Variants in ABCB10 observed in about 807,000 individuals in gnomAD.
The protein encoded by ABCB10 is ATP-binding cassette sub-family B member 10, mitochondrial.
In ABCB10, 54 loss-of-function variants were observed where a neutral mutation model predicts 65.4. The ratio of observed to expected loss-of-function variants is 0.83; its 90% CI spans 0.66 to 1.04. The LOEUF is 1.04. Among genes scored for constraint, ABCB10 ranks in the 50% least tolerant of loss-of-function variants. The pLI, the probability that ABCB10 is intolerant of heterozygous loss-of-function variation, is 0.00. For synonymous variants in ABCB10, 418 were observed against 406.5 expected (o/e 1.03, Z -0.34); for missense variants, 846 against 976.6 (o/e 0.87, Z 1.78).
At chr1:229,552,012 C>CA (rs770268120) in intron 1 of ABCB10, among the ~76,000 whole-genome samples, 5 of 150,170 alleles carry the variant, frequency 3.3e-5, no homozygotes, top group African/African-American at 1.3e-4. Context: ...TGAAATGCCC[C>CA]CTAATTATGA....
rs755890761 is a variant in ABCB10, at chr1:229,530,160, G to T, written c.1645+39C>A. On this transcript the variant is annotated intron_variant, in intron 8 of 12. Transcript: ENST00000344517. Reference sequence around the variant, plus strand: ...GGCGCAAAAGTGGGAGCAGAGCTCGGGAGAGTCCCTCGGTGCTACAGTGTG... The same window carrying T: ...GGCGCAAAAGTGGGAGCAGAGCTCGTGAGAGTCCCTCGGTGCTACAGTGTG... 1.9e-6 allele frequency: 3 copies of T among 1,604,382 alleles called. No individual in the cohort carries two copies. The Admixed American group carries it at 5.0e-5, about 27-fold the overall frequency.
chr1:229,526,020 C>G lies in ABCB10; in HGVS notation c.1822G>C (p.Glu608Gln). 1.9e-6 allele frequency: 3 copies of G among 1,614,252 alleles called. No homozygotes were observed. Among genetic ancestry groups the G allele is most frequent in the Non-Finnish European group, 1.7e-6 (2 of 1,180,052 alleles). The part of the protein sequence containing the change: ...VTAEEIQRVA[E>Q]VANAVAFIRN... The stretch of plus-strand genomic sequence containing the variant: ...ATGAAGGCCACTGCATTGGCCACTT[C>G]AGCCACTCTCTGGATTTCCTCAGCG... Residue 608 changes from glutamate to glutamine, a missense_variant, in exon 10 of 13, where the codon GAA (glutamate) becomes CAA (glutamine). By Grantham distance (29) the Glu-to-Gln change is conservative (BLOSUM62 2). This residue lies in a region of ABCB10 where 632 missense variants were observed against 803.2 expected (regional missense o/e 0.79). Transcript: ENST00000344517.
intron 6 of ABCB10, among the ~76,000 whole-genome samples, chr1:229,535,603 G>A (rs1347559879): frequency 6.6e-6 from 1 of 152,178 alleles, no homozygotes; most frequent in Non-Finnish European, 1.5e-5. Context: ...AAACTACTCT[G>A]TATGATACAG....
chr1:229,531,526 C>A (rs1271526739), intron 7 of ABCB10, 110 bp downstream of exon 7: 1 of 1,107,732 alleles, frequency 9.0e-7, no homozygotes, highest in Non-Finnish European at 1.3e-6. Flanking sequence ...GCAGGAGCCA[C>A]ATCCTTACTG....
Position 229,546,188 on chromosome 1 carries a change from AG to A in ABCB10, c.921+1310del, listed in dbSNP as rs1292673974. Among the ~76,000 whole-genome samples, 9 of 151,788 alleles carry A rather than the reference AG, an allele frequency of 5.9e-5. No homozygotes were observed. The East Asian group carries it at 1.5e-3, about 26-fold the overall frequency. On this transcript the variant is annotated intron_variant, in intron 3 of 12. Coordinates refer to ENST00000344517, the MANE Select transcript of ABCB10 (RefSeq NM_012089.3). Reference sequence around the variant, plus strand: ...CTCCGTCTCAAAAAAAAAAAAAAAAAGCTTTTATGATGATCCACTTCCACTT... The same window carrying A: ...CTCCGTCTCAAAAAAAAAAAAAAAAACTTTTATGATGATCCACTTCCACTT...
chr1:229,527,385 G>T, intron 8 of ABCB10, 77 bp from the exon 9 acceptor site: 1 of 1,267,876 alleles, frequency 7.9e-7, no homozygotes, highest in Non-Finnish European at 1.1e-6. Context: ...GATCCGGTGG[G>T]AAAATTCCAG....
Position 229,556,165 on chromosome 1 carries a change from C to A in ABCB10, c.517+1971G>T, listed in dbSNP as rs559758734. On this transcript the variant is annotated intron_variant, in intron 1 of 12. Coordinates refer to ENST00000344517, the MANE Select transcript of ABCB10 (RefSeq NM_012089.3). ...CCAAGGTGGGCAGATCACCCGAGGT[C>A]GGGAGTTCGAGACCACCCTGACCAA... Among the ~76,000 whole-genome samples the A allele has an allele frequency of 2.0e-4, 30 of 152,192 alleles. 1 individual carries two copies. The highest frequency in any genetic ancestry group is 7.2e-4 in the African/African-American group (30 of 41,546).
chr1:229,552,799 T>C (rs1449810078), intron 1 of ABCB10, among the ~76,000 whole-genome samples: 2 of 152,194 alleles, frequency 1.3e-5, no homozygotes, highest in Non-Finnish European at 2.9e-5. Context: ...ATCCTCGTTT[T>C]TCAGAGAGGA....
intron 1 of ABCB10, among the ~76,000 whole-genome samples, chr1:229,555,286 C>T (rs990060279): frequency 2.0e-5 from 3 of 152,316 alleles, no homozygotes; most frequent in South Asian, 2.1e-4. Context: ...GATGAAGTGT[C>T]GCTTATCCCA....
intron 11 of ABCB10, 192 bp from the exon 12 acceptor site, chr1:229,519,067 C>T: frequency 2.2e-6 from 1 of 457,540 alleles, no homozygotes; most frequent in Non-Finnish European, 3.9e-6. Flanking sequence ...ATGTCCACAA[C>T]AGGCACTTCT....
Position 229,558,386 on chromosome 1 carries a change from G to A in ABCB10, c.267C>T (p.Leu89=). The change falls in exon 1 of 13, where the codon CTC becomes CTT. Residue 89 remains leucine, a synonymous_variant. Coordinates refer to ENST00000344517, the MANE Select transcript of ABCB10 (RefSeq NM_012089.3). ...ASRGVLGLAR[L]LGLWARGPGS... ...CGGGGCCGCGAGCCCACAGCCCCAG[G>A]AGCCGCGCGAGGCCCAGGACGCCCC... is the stretch of plus-strand genomic sequence containing the variant. The A allele has an allele frequency of 8.1e-7, 1 of 1,241,858 alleles. No individual in the cohort carries two copies. The highest frequency in any genetic ancestry group is 1.0e-6 in the Non-Finnish European group (1 of 984,956). The allele number at this position is 1,241,858 out of a possible 1,614,324, so 76.9% of individuals were successfully genotyped here.
chr1:229,517,964 C>G lies in ABCB10; in HGVS notation c.*215G>C. 1 of 540,012 alleles carries G rather than the reference C, an allele frequency of 1.9e-6. No individual in the cohort carries two copies. Among genetic ancestry groups the G allele is most frequent in the South Asian group, 2.4e-5 (1 of 42,376 alleles). 33.5% of individuals were successfully genotyped at this position (540,012 alleles called of 1,614,324 possible). On this transcript the variant is annotated 3_prime_UTR_variant, in exon 13 of 13. Transcript: ENST00000344517. ...ACAAAACCTGAAAATAACTTCAGTG[C>G]TATAGACATTTAAAAAGTTACAATT...
At chr1:229,526,729 T>C (rs1662453933) in intron 9 of ABCB10, among the ~76,000 whole-genome samples, 1 of 152,256 alleles carries the variant, frequency 6.6e-6, no homozygotes, top group Non-Finnish European at 1.5e-5. Flanking sequence ...AACATTTCCC[T>C]GCCCCAAAGG....
intron 10 of ABCB10, 106 bp downstream of exon 10, chr1:229,525,830 T>C: frequency 8.0e-6 from 11 of 1,383,054 alleles, no homozygotes; most frequent in Non-Finnish European, 1.1e-5. Flanking sequence ...AGAGCAAGAC[T>C]CAAGACTCCG....
Position 229,558,416 on chromosome 1 carries a change from G to C in ABCB10, c.237C>G (p.Ala79=). The change falls in exon 1 of 13, where the codon GCC becomes GCG. Residue 79 remains alanine, a synonymous_variant. Coordinates refer to ENST00000344517, the MANE Select transcript of ABCB10 (RefSeq NM_012089.3). ...GCGCGAGGCCCAGGACGCCCCGCGA[G>C]GCGCCCGGACCCCCGCCCCGGCAGC... is the stretch of plus-strand genomic sequence containing the variant. The part of the protein sequence containing the change: ...RSGCRGGGPG[A]SRGVLGLARL... The C allele has an allele frequency of 8.3e-7, 1 of 1,204,622 alleles. No homozygotes were observed. Among genetic ancestry groups the C allele is most frequent in the Non-Finnish European group, 1.0e-6 (1 of 972,598 alleles). 74.6% of individuals were successfully genotyped at this position (1,204,622 alleles called of 1,614,324 possible).
At position 229,558,220 on chromosome 1, in the gene ABCB10, C is replaced by G. The variant is rs1663310130; in HGVS notation, c.433G>C (p.Gly145Arg). The G allele has an allele frequency of 7.2e-7, 1 of 1,388,766 alleles. No homozygotes were observed. The highest frequency in any genetic ancestry group is 9.3e-7 in the Non-Finnish European group (1 of 1,072,670). The allele number at this position is 1,388,766 out of a possible 1,614,324, so 86.0% of individuals were successfully genotyped here. ...CCGGCCGCTGCGGGGCGCAGCCGCC[C>G]CTTGTCCCCGGGAGGCGCCGCCGGC... is the stretch of plus-strand genomic sequence containing the variant. The part of the protein sequence containing the change: ...RGPAAPPGDK[G>R]RLRPAAAGLP... Residue 145 changes from glycine to arginine, a missense_variant, in exon 1 of 13, where the codon GGG becomes CGG. By Grantham distance (125) the Gly-to-Arg change is moderately radical. Coordinates refer to ENST00000344517, the MANE Select transcript of ABCB10 (RefSeq NM_012089.3).
rs59264291 is a variant in ABCB10, at chr1:229,529,295, CAAAAAAAAAAA to C, written c.1645+893_1645+903del. On this transcript the variant is annotated intron_variant, in intron 8 of 12. Coordinates refer to ENST00000344517, the MANE Select transcript of ABCB10 (RefSeq NM_012089.3). ...TGGGCAACAGAGCAAGACTCCGTCT[CAAAAAAAAAAA>C]AAAAAAAAAAAAAAAAAAAAAAAGA... Among the ~76,000 whole-genome samples, 31 of 23,120 alleles carry C rather than the reference CAAAAAAAAAAA, an allele frequency of 1.3e-3. No individual in the cohort carries two copies. The South Asian group carries it at 0.017, about 13-fold the overall frequency. The allele number at this position is 23,120 out of a possible 152,430, so 15.2% of individuals were successfully genotyped here. A position where few individuals can be genotyped will look rare whatever the true frequency, so the allele number is the denominator to read the frequency against.
rs765292533 is a variant in ABCB10 at position 229,530,275 on chromosome 1, C to T, written c.1569G>A (p.Thr523=). The T allele has an allele frequency of 7.4e-6, 12 of 1,613,916 alleles. No homozygotes were observed. The highest frequency in any genetic ancestry group is 6.7e-5 in the African/African-American group (5 of 74,872). ...CAGAACCACTTGGGCCAACCAGTGC[C>T]GTGACAGATCCTGACGGAATGGAAA... is the stretch of plus-strand genomic sequence containing the variant. ...FSLSIPSGSV[T]ALVGPSGSGK... The change falls in exon 8 of 13, where the codon ACG becomes ACA. Residue 523 remains threonine (T), a synonymous_variant. Transcript: ENST00000344517.
chr1:229,554,378 C>G (rs2102712191), intron 1 of ABCB10, among the ~76,000 whole-genome samples: 1 of 152,240 alleles, frequency 6.6e-6, no homozygotes, highest in South Asian at 2.1e-4. Flanking sequence ...ATGCTATTAG[C>G]ATGCTCTAGA....
Sources: allele counts gnomAD v4.1 joint callset (sites outside exome capture counted in the v4.1 genomes callset), GRCh38; gene constraint gnomAD v4.1.1; regional missense constraint gnomAD v4.1.1; transcripts MANE v1.5; gene names NCBI Gene and HGNC (gene_info 2026-07-23, HGNC 2026-07-21).